Variants in NEMP2 observed in about 807,000 individuals in gnomAD.
NEMP2 encodes UPF0571 transmembrane protein.
NEMP2 carries 53 observed loss-of-function variants against 54.2 expected under a neutral mutation model. The observed-to-expected ratio is 0.98, with a 90% CI of 0.78 to 1.23. The LOEUF is 1.23. Ranked by LOEUF, NEMP2 falls within the 50% of genes most tolerant of loss-of-function variation. The pLI is 0.00. For synonymous variants in NEMP2, 197 were observed against 190.3 expected, an observed-to-expected ratio of 1.04 and a Z score of -0.29; for missense variants, 455 against 511.3, an observed-to-expected ratio of 0.89 and a Z score of 1.06.
At chr2:190,434,408 G>A in the NEMP2 span, among the ~76,000 whole-genome samples, 2 of 151,962 alleles carry the variant, frequency 1.3e-5, no homozygotes, top group Non-Finnish European at 2.9e-5. The surrounding 1 kb of genome is among the most constrained non-coding windows in gnomAD (Gnocchi z 4.3). Flanking sequence ...TGCTAATATC[G>A]TATATGAAAA....
At chr2:190,500,217 G>A (rs752405503), downstream of NEMP2, 8 of 1,614,082 alleles carry the variant, frequency 5.0e-6, no homozygotes, top group South Asian at 6.6e-5. The surrounding 1 kb of genome is among the most constrained non-coding windows in gnomAD (Gnocchi z 5.3). Flanking sequence ...GGAGGACACT[G>A]AGGGCATCCT....
the NEMP2 span, among the ~76,000 whole-genome samples, chr2:190,635,238 C>A: frequency 6.6e-6 from 1 of 152,194 alleles, no homozygotes; most frequent in African/African-American, 2.4e-5. The surrounding 1 kb of genome is among the most constrained non-coding windows in gnomAD (Gnocchi z 4.1). Context: ...TTTTAAGAGA[C>A]AAGAGTCTTG....
the NEMP2 span, among the ~76,000 whole-genome samples, chr2:190,544,586 T>A: frequency 7.2e-5 from 11 of 152,124 alleles, no homozygotes; most frequent in African/African-American, 2.7e-4. Context: ...CTGAAGCAAA[T>A]ATTCTTTTGA....
chr2:190,637,179 G>C, the NEMP2 span, among the ~76,000 whole-genome samples: 1 of 152,338 alleles, frequency 6.6e-6, no homozygotes, highest in African/African-American at 2.4e-5. This position sits in a 1 kb window ranked among gnomAD's most constrained non-coding sequence, Gnocchi z 4.5. Context: ...ATAGTGTACA[G>C]TAAGTACAGA....
the NEMP2 span, chr2:190,436,143 T>A: frequency 1.2e-6 from 2 of 1,614,228 alleles, no homozygotes; most frequent in South Asian, 1.1e-5. The surrounding 1 kb of genome is among the most constrained non-coding windows in gnomAD (Gnocchi z 5.3). Flanking sequence ...CACCTTCGAA[T>A]GAAACACCTT....
the NEMP2 span, among the ~76,000 whole-genome samples, chr2:190,423,328 A>G: frequency 2.0e-5 from 3 of 152,136 alleles, no homozygotes; most frequent in Non-Finnish European, 4.4e-5. The surrounding 1 kb of genome is among the most constrained non-coding windows in gnomAD (Gnocchi z 4.3). Context: ...TCACCTGTCT[A>G]TCTCTATTTC....
chr2:190,494,228 C>T, the NEMP2 span, among the ~76,000 whole-genome samples: 10 of 152,174 alleles, frequency 6.6e-5, no homozygotes, highest in Admixed American at 1.3e-4. The surrounding 1 kb of genome is among the most constrained non-coding windows in gnomAD (Gnocchi z 5.7). Context: ...CTATTAACAC[C>T]TTTACATGCA....
chr2:190,429,330 CTT>C, the NEMP2 span, among the ~76,000 whole-genome samples: 3 of 142,028 alleles, frequency 2.1e-5, no homozygotes, highest in Non-Finnish European at 1.6e-5. Context: ...AACAGAAATT[CTT>C]TTTTTTTTTT....
At chr2:190,543,242 T>C in the NEMP2 span, among the ~76,000 whole-genome samples, 1 of 152,156 alleles carries the variant, frequency 6.6e-6, no homozygotes, top group Non-Finnish European at 1.5e-5. This position sits in a 1 kb window ranked among gnomAD's most constrained non-coding sequence, Gnocchi z 4.7. Flanking sequence ...GTGCCCAGGG[T>C]ACCTGTGGAA....
chr2:190,519,445 TC>T lies in NEMP2; in HGVS notation c.214-263del, dbSNP rs1287322064. ...CATGTTTCCCAGGCTGGTCTCGAAC[TC>T]CTGGGCTCAAGCTGTTTGCCTGCTT... is the stretch of plus-strand genomic sequence containing the variant. On this transcript the variant is annotated intron_variant, in intron 2 of 8. Transcript: ENST00000409150. This position sits in a 1 kb window ranked among gnomAD's most constrained non-coding sequence, Gnocchi z 5.4. Among the ~76,000 whole-genome samples, 1 of 152,198 alleles carries T rather than the reference TC, an allele frequency of 6.6e-6. No individual in the cohort carries two copies. Among genetic ancestry groups the T allele is most frequent in the Non-Finnish European group, 1.5e-5 (1 of 68,040 alleles).
rs1303469361 is a variant in NEMP2, at chr2:190,512,347, T to C, written c.954-1810A>G. Among the ~76,000 whole-genome samples, 1 of 152,204 alleles carries C rather than the reference T, an allele frequency of 6.6e-6. No individual in the cohort carries two copies. Among genetic ancestry groups the C allele is most frequent in the Non-Finnish European group, 1.5e-5 (1 of 68,036 alleles). ...GGTTCTTAGCACTGTAAGTGGCCTATAGTAGGTGTTCAATAAGGATAATCA... is the reference window on the plus strand; with the variant it reads ...GGTTCTTAGCACTGTAAGTGGCCTACAGTAGGTGTTCAATAAGGATAATCA... On this transcript the variant is annotated intron_variant, in intron 7 of 8. Coordinates refer to ENST00000409150, the MANE Select transcript of NEMP2 (RefSeq NM_001142645.2). The surrounding 1 kb of genome is among the most constrained non-coding windows in gnomAD (Gnocchi z 4.5).
rs1690411511 is a variant in NEMP2 at position 190,512,741 on chromosome 2, A to G, written c.953+1712T>C. On this transcript the variant is annotated intron_variant, in intron 7 of 8. Transcript: ENST00000409150. The surrounding 1 kb of genome is among the most constrained non-coding windows in gnomAD (Gnocchi z 4.5). ...TGTTGGGGGACCAGCCTCACTGACAAAAGACCTCTGGTGTTCCGAGTCACT... is the reference window on the plus strand; with the variant it reads ...TGTTGGGGGACCAGCCTCACTGACAGAAGACCTCTGGTGTTCCGAGTCACT... 6.6e-6 allele frequency among the ~76,000 whole-genome samples: 1 copy of G among 152,160 alleles called. No individual in the cohort carries two copies. Among genetic ancestry groups the G allele is most frequent in the South Asian group, 2.1e-4 (1 of 4,820 alleles).
chr2:190,444,801 C>T, the NEMP2 span: 1 of 515,124 alleles, frequency 1.9e-6, no homozygotes, highest in Non-Finnish European at 2.5e-6. Context: ...AACCATCCTC[C>T]ATTTCATTCA....
chr2:190,429,180 T>G, the NEMP2 span, among the ~76,000 whole-genome samples: 3 of 152,026 alleles, frequency 2.0e-5, no homozygotes, highest in Non-Finnish European at 4.4e-5. Context: ...TTTTTTCTAT[T>G]GATTTTAAAG....
the NEMP2 span, among the ~76,000 whole-genome samples, chr2:190,599,838 C>T: frequency 5.3e-5 from 8 of 152,126 alleles, no homozygotes; most frequent in Non-Finnish European, 1.0e-4. Flanking sequence ...TCTTCACAAA[C>T]TCACCGACCT....
the NEMP2 span, chr2:190,488,921 A>C: frequency 1.8e-6 from 2 of 1,135,052 alleles, no homozygotes; most frequent in Non-Finnish European, 2.4e-6. This position sits in a 1 kb window ranked among gnomAD's most constrained non-coding sequence, Gnocchi z 6.4. Context: ...GATTGCCCAA[A>C]GCTAAATTCC....
At chr2:190,571,479 G>T in the NEMP2 span, among the ~76,000 whole-genome samples, 1 of 152,048 alleles carries the variant, frequency 6.6e-6, no homozygotes, top group South Asian at 2.1e-4. Flanking sequence ...GGAGACGGAG[G>T]TTGCAGTGAG....
the NEMP2 span, among the ~76,000 whole-genome samples, chr2:190,645,288 A>T: frequency 6.6e-6 from 1 of 152,156 alleles, no homozygotes; most frequent in Non-Finnish European, 1.5e-5. Context: ...TTCTCATACC[A>T]CTTTCCAAAT....
chr2:190,623,402 A>G, the NEMP2 span, among the ~76,000 whole-genome samples: 1 of 152,224 alleles, frequency 6.6e-6, no homozygotes. Flanking sequence ...GCATCACACT[A>G]CCTGACTTTG....
Sources: gnomAD v4.1 joint callset for allele counts (sites outside exome capture counted in the v4.1 genomes callset) on GRCh38, gnomAD v4.1.1 for gene constraint, Gnocchi (gnomAD v3.1) non-coding constraint, MANE v1.5 for transcripts, NCBI Gene and HGNC (gene_info 2026-07-23, HGNC 2026-07-21) for gene names.